The following KLRG1 variants were observed in gnomAD, a reference collection of about 807,000 sequenced individuals.
KLRG1 encodes the protein killer cell lectin-like receptor subfamily G member 1.
A neutral mutation model predicts 21.8 loss-of-function variants in KLRG1; 16 were observed. The ratio of observed to expected loss-of-function variants is 0.73; its 90% CI spans 0.50 to 1.11. The LOEUF (loss-of-function observed/expected upper bound fraction) is 1.11. Ranked by LOEUF, KLRG1 falls within the 50% of genes most tolerant of loss-of-function variation. KLRG1 has a pLI of 0.00. For missense variants in KLRG1, 173 were observed against 218.3 expected, an observed-to-expected ratio of 0.79 and a Z score of 1.31; for synonymous variants, 69 against 75.9, an observed-to-expected ratio of 0.91 and a Z score of 0.47.
the KLRG1 span, among the ~76,000 whole-genome samples, chr12:9,113,105 C>CTTTT: frequency 7.0e-6 from 1 of 143,852 alleles, no homozygotes; most frequent in Non-Finnish European, 1.5e-5. Flanking sequence ...GTCACATTTT[C>CTTTT]TTTTTTTTTT....
chr12:9,011,602 C>T (rs1337540753), downstream of KLRG1, among the ~76,000 whole-genome samples: 1 of 152,298 alleles, frequency 6.6e-6, no homozygotes, highest in East Asian at 1.9e-4. Flanking sequence ...ATTTTTCCCC[C>T]GCAGGAATAC....
intron 3 of KLRG1, among the ~76,000 whole-genome samples, chr12:8,999,998 G>A (rs1334110304): frequency 6.6e-6 from 1 of 152,102 alleles, no homozygotes; most frequent in Non-Finnish European, 1.5e-5. Flanking sequence ...TCAGGCCACT[G>A]CACTCCAGCC....
At chr12:9,019,360 A>C in the KLRG1 span, among the ~76,000 whole-genome samples, 1 of 152,244 alleles carries the variant, frequency 6.6e-6, no homozygotes, top group Admixed American at 6.5e-5. Flanking sequence ...AACAATATGT[A>C]GTTTCCTCAA....
At chr12:9,101,258 T>C in the KLRG1 span, 4 of 1,517,052 alleles carry the variant, frequency 2.6e-6, no homozygotes, top group Non-Finnish European at 3.6e-6. Flanking sequence ...AGAACACGCT[T>C]CAGTCTCACT....
chr12:9,192,455 T>C, the KLRG1 span: 2 of 1,499,362 alleles, frequency 1.3e-6, no homozygotes, highest in Non-Finnish European at 9.3e-7. Context: ...CCTGAGCCTA[T>C]TGACCACTTT....
At chr12:8,962,078 C>A (rs1946390991) in intron 1 of KLRG1, among the ~76,000 whole-genome samples, 1 of 151,930 alleles carries the variant, frequency 6.6e-6, no homozygotes, top group Non-Finnish European at 1.5e-5. Flanking sequence ...AGAGTGAGAC[C>A]CCGTCTCTTG....
the KLRG1 span, among the ~76,000 whole-genome samples, chr12:9,163,470 T>A: frequency 2.0e-5 from 3 of 151,268 alleles, no homozygotes; most frequent in Non-Finnish European, 2.9e-5. Context: ...AAAAAGGAAA[T>A]TGCACTCAAA....
the KLRG1 span, chr12:9,163,817 G>A: frequency 1.2e-6 from 2 of 1,604,536 alleles, no homozygotes; most frequent in Admixed American, 1.7e-5. Context: ...GAAAACATGA[G>A]TATCCACTTT....
chr12:8,956,770 G>A (rs1474970426), intron 1 of KLRG1, among the ~76,000 whole-genome samples: 3 of 152,204 alleles, frequency 2.0e-5, no homozygotes, highest in Admixed American at 1.3e-4. Context: ...AGTTGCTGGT[G>A]TCTTTTGAGT....
At chr12:9,114,751 CAT>C in the KLRG1 span, among the ~76,000 whole-genome samples, 15 of 151,674 alleles carry the variant, frequency 9.9e-5, no homozygotes, top group African/African-American at 1.7e-4. Context: ...ATATATGTAA[CAT>C]ATGTGGGTAG....
chr12:9,202,514 T>G, the KLRG1 span: 1 of 1,613,826 alleles, frequency 6.2e-7, no homozygotes, highest in East Asian at 2.2e-5. Flanking sequence ...CAGTGGAATT[T>G]CCCTACTTAC....
chr12:9,074,111 G>A, the KLRG1 span, among the ~76,000 whole-genome samples: 2 of 146,680 alleles, frequency 1.4e-5, no homozygotes, highest in African/African-American at 2.5e-5. Flanking sequence ...AAAAAAAGGT[G>A]AATAGGGGAA....
chr12:8,989,791 G>A (rs1213203212), intron 1 of KLRG1, 74 bp downstream of exon 1: 4 of 824,358 alleles, frequency 4.9e-6, no homozygotes, highest in East Asian at 2.5e-5. Context: ...AGTAGAATAA[G>A]TTTAAAGCAG....
At chr12:9,168,956 A>G in the KLRG1 span, 1 of 1,613,618 alleles carries the variant, frequency 6.2e-7, no homozygotes, top group African/African-American at 1.3e-5. Context: ...GAGTTAGTGA[A>G]CACCTTCAAT....
the KLRG1 span, among the ~76,000 whole-genome samples, chr12:9,082,367 C>T: frequency 4.3e-4 from 66 of 152,292 alleles, no homozygotes; most frequent in African/African-American, 1.4e-3. Context: ...AGTACCCAGC[C>T]AGCAGCTCCA....
intron 2 of KLRG1, among the ~76,000 whole-genome samples, chr12:8,993,080 AATT>A (rs1401394140): frequency 2.5e-5 from 2 of 81,582 alleles, no homozygotes; most frequent in South Asian, 3.9e-4. Flanking sequence ...AAACATTCTG[AATT>A]TTTTTTTTTT....
At chr12:9,084,547 A>C in the KLRG1 span, among the ~76,000 whole-genome samples, 1 of 151,930 alleles carries the variant, frequency 6.6e-6, no homozygotes, top group Non-Finnish European at 1.5e-5. Context: ...AGAAGCACAG[A>C]ACAAAAATTT....
At chr12:9,111,943 G>T in the KLRG1 span, 1 of 713,634 alleles carries the variant, frequency 1.4e-6, no homozygotes, top group South Asian at 1.4e-5. Context: ...TTAATTGTGT[G>T]ACAACTGACT....
At chr12:8,962,190 G>C (rs936107728) in intron 1 of KLRG1, among the ~76,000 whole-genome samples, 1 of 152,196 alleles carries the variant, frequency 6.6e-6, no homozygotes, top group South Asian at 2.1e-4. Flanking sequence ...TTATCAGCAA[G>C]GATGATAAAT....
Sources: allele counts gnomAD v4.1 joint callset (sites outside exome capture counted in the v4.1 genomes callset), GRCh38; gene constraint gnomAD v4.1.1; transcripts MANE v1.5; gene names NCBI Gene and HGNC (gene_info 2026-07-23, HGNC 2026-07-21).